CREB1: variants seen among roughly 807,000 people sequenced by gnomAD.
CREB1 encodes the protein cyclic AMP-responsive element-binding protein 1.
A neutral mutation model predicts 42.0 loss-of-function variants in CREB1; 2 were observed. That is an observed-to-expected ratio of 0.05 (90% CI 0.02 to 0.15). The LOEUF (loss-of-function observed/expected upper bound fraction) is 0.15. Among genes scored for constraint, CREB1 ranks in the 10% least tolerant of loss-of-function variants. The probability of loss-of-function intolerance (pLI) is 1.00; values close to 1 mark genes in which losing one functional copy is unlikely to be tolerated. For synonymous variants in CREB1, 123 were observed against 139.9 expected, an observed-to-expected ratio of 0.88 and a Z score of 0.85; for missense variants, 199 against 388.9, an observed-to-expected ratio of 0.51 and a Z score of 4.11.
chr2:207,575,862 C>T (rs1262106449), intron 6 of CREB1, among the ~76,000 whole-genome samples: 5 of 131,724 alleles, frequency 3.8e-5, no homozygotes, highest in Non-Finnish European at 4.7e-5. Context: ...TTTGTTTTTT[C>T]ATCTGTAAAA....
intron 1 of CREB1, among the ~76,000 whole-genome samples, chr2:207,544,809 A>G (rs1337432490): frequency 6.6e-6 from 1 of 152,108 alleles, no homozygotes; most frequent in Non-Finnish European, 1.5e-5. Flanking sequence ...CTTACAAATG[A>G]GAACATGCGG....
intron 1 of CREB1, among the ~76,000 whole-genome samples, chr2:207,552,023 CAA>C (rs1173359225): frequency 1.1e-5 from 1 of 93,362 alleles, no homozygotes; most frequent in Non-Finnish European, 1.9e-5. Context: ...GCCTGGGCAA[CAA>C]GAGCGAAACT....
At position 207,602,751 on chromosome 2, in the gene CREB1, TATATTA is replaced by T. The variant is rs1673256555; in HGVS notation, c.*5695_*5700del. 1 of 212,292 alleles carries T rather than the reference TATATTA, an allele frequency of 4.7e-6. No homozygotes were observed. The highest frequency in any genetic ancestry group is 2.3e-5 in the African/African-American group (1 of 44,234). 13.2% of individuals were successfully genotyped at this position (212,292 alleles called of 1,614,324 possible). A position where few individuals can be genotyped will look rare whatever the true frequency, so the allele number is the denominator to read the frequency against. ...AATTTGTGTATGTAATAAAATTATTTATATTAAAAGTGGGAAATAATTGTCAACATT... is the reference window on the plus strand; with the variant it reads ...AATTTGTGTATGTAATAAAATTATTTAAAGTGGGAAATAATTGTCAACATT... On this transcript the variant is annotated 3_prime_UTR_variant, in exon 8 of 8. Transcript: ENST00000353267.
At chr2:207,592,686 C>A (rs1276296842) in intron 7 of CREB1, among the ~76,000 whole-genome samples, 1 of 151,166 alleles carries the variant, frequency 6.6e-6, no homozygotes, top group Non-Finnish European at 1.5e-5. Flanking sequence ...TTTGGGAGAC[C>A]AAGGCAGGCG....
chr2:207,599,004 ATTTTAAAATAAGATTT>A lies in CREB1; in HGVS notation c.*1948_*1963del, dbSNP rs2086628848. On this transcript the variant is annotated 3_prime_UTR_variant, in exon 8 of 8. Coordinates refer to ENST00000353267, the MANE Select transcript of CREB1 (RefSeq NM_004379.5). Reference sequence around the variant, plus strand: ...GATTTAAGTGTTAATTGCTGGATCCATTTTAAAATAAGATTTTAATTAACATTTGTAAATGGTATAT... The same window carrying A: ...GATTTAAGTGTTAATTGCTGGATCCATAATTAACATTTGTAAATGGTATAT... 1 of 185,260 alleles carries A rather than the reference ATTTTAAAATAAGATTT, an allele frequency of 5.4e-6. No homozygotes were observed. The highest frequency in any genetic ancestry group is 6.2e-5 in the Admixed American group (1 of 16,078). 11.5% of individuals were successfully genotyped at this position (185,260 alleles called of 1,614,324 possible).
chr2:207,538,661 G>T (rs2080971701), intron 1 of CREB1, among the ~76,000 whole-genome samples: 1 of 152,166 alleles, frequency 6.6e-6, no homozygotes. Flanking sequence ...CATTTGATTA[G>T]ATAAGAAAGG....
In CREB1 at chr2:207,598,006, T is replaced by C. The variant is rs932858429; in HGVS notation, c.*948T>C. ...GTAAAAAGATATTTCTAATTTACTG[T>C]TGCCCATTGCACTTACATACCACCA... On this transcript the variant is annotated 3_prime_UTR_variant, in exon 8 of 8. Transcript: ENST00000353267. 1 of 182,716 alleles carries C rather than the reference T, an allele frequency of 5.5e-6. No homozygotes were observed. The highest frequency in any genetic ancestry group is 2.4e-5 in the African/African-American group (1 of 42,538). 11.3% of individuals were successfully genotyped at this position (182,716 alleles called of 1,614,324 possible). A position where few individuals can be genotyped will look rare whatever the true frequency, so the allele number is the denominator to read the frequency against.
At chr2:207,567,378 T>G (rs1388532280) in intron 3 of CREB1, 85 bp from the exon 4 acceptor site, 1 of 919,364 alleles carries the variant, frequency 1.1e-6, no homozygotes, top group East Asian at 2.7e-5. Flanking sequence ...GTATAAAGTT[T>G]ATATATGACT....
intron 3 of CREB1, among the ~76,000 whole-genome samples, chr2:207,562,414 T>C (rs1488406802): frequency 1.3e-5 from 2 of 152,250 alleles, no homozygotes; most frequent in Non-Finnish European, 2.9e-5. Context: ...GATTTTAATC[T>C]TTATTCTGGG....
rs927062416 is a variant in CREB1, at chr2:207,605,101, T to C, written c.*8043T>C. 1.3e-5 allele frequency among the ~76,000 whole-genome samples: 2 copies of C among 152,208 alleles called. No homozygotes were observed. Among genetic ancestry groups the C allele is most frequent in the African/African-American group, 4.8e-5 (2 of 41,446 alleles). ...GGTATATGCCTGGGAGTGGAGTTGC[T>C]GGGTCATGTTGAAATCGCACATTTA... On this transcript the variant is annotated 3_prime_UTR_variant, in exon 8 of 8. Coordinates refer to ENST00000353267, the MANE Select transcript of CREB1 (RefSeq NM_004379.5).
chr2:207,562,767 C>A (rs2082003449), intron 3 of CREB1, among the ~76,000 whole-genome samples: 1 of 152,130 alleles, frequency 6.6e-6, no homozygotes, highest in African/African-American at 2.4e-5. Context: ...AGAGGATCTT[C>A]TAGATGGGAG....
intron 1 of CREB1, among the ~76,000 whole-genome samples, chr2:207,542,959 T>C (rs778533824): frequency 6.6e-6 from 1 of 152,208 alleles, no homozygotes; most frequent in African/African-American, 2.4e-5. Flanking sequence ...AACATTTTAA[T>C]TTGAAGCACA....
intron 1 of CREB1, among the ~76,000 whole-genome samples, chr2:207,535,008 T>C (rs2080811850): frequency 6.6e-6 from 1 of 152,184 alleles, no homozygotes; most frequent in South Asian, 2.1e-4. Context: ...TAACATACAA[T>C]TGGAAGCATT....
intron 5 of CREB1, among the ~76,000 whole-genome samples, chr2:207,572,470 A>G (rs546765695): frequency 6.6e-6 from 1 of 152,294 alleles, no homozygotes; most frequent in African/African-American, 2.4e-5. Context: ...ATAAACACAC[A>G]TAGTTATATA....
At chr2:207,577,722 ATCTTT>A in intron 7 of CREB1, 67 bp downstream of exon 7, 1 of 1,564,662 alleles carries the variant, frequency 6.4e-7, no homozygotes, top group Non-Finnish European at 8.7e-7. Context: ...CTGGATGTGT[ATCTTT>A]ACATCTACTG....
At chr2:207,535,113 C>T (rs929263864) in intron 1 of CREB1, among the ~76,000 whole-genome samples, 8 of 152,040 alleles carry the variant, frequency 5.3e-5, no homozygotes, top group African/African-American at 1.9e-4. Context: ...TGCCATCTTG[C>T]CTTTATTTCT....
chr2:207,580,503 G>A (rs1295566294), intron 7 of CREB1: 3 of 217,848 alleles, frequency 1.4e-5, no homozygotes, highest in African/African-American at 6.7e-5. Flanking sequence ...CTCTTCTAGT[G>A]TGGCTATTTC....
In CREB1 at chr2:207,532,121, G is replaced by T. The variant is rs953229684; in HGVS notation, c.-9+1987G>T. Among the ~76,000 whole-genome samples the T allele has an allele frequency of 2.0e-5, 3 of 151,726 alleles. No individual in the cohort carries two copies. In the East Asian group the frequency reaches 5.8e-4, roughly 29 times the overall value. On this transcript the variant is annotated intron_variant, in intron 1 of 7. Transcript: ENST00000353267. ...CTGTAATCCCAGCACTTGGGGGGTC[G>T]AGGCGGGCGGATCACTTGAGGTCAG...
chr2:207,571,917 C>T lies in CREB1; in HGVS notation c.505+1596C>T, dbSNP rs201681656. 28 of 306,928 alleles carry T rather than the reference C, an allele frequency of 9.1e-5. 1 individual carries two copies. The East Asian group carries it at 2.5e-3, about 27-fold the overall frequency. The allele number at this position is 306,928 out of a possible 1,614,324, so 19.0% of individuals were successfully genotyped here. On this transcript the variant is annotated intron_variant, in intron 5 of 7. Transcript: ENST00000353267. Reference sequence around the variant, plus strand: ...AATTTGGTACACTCGTCTCCTCCAGCAGCTGAAAATTGCTAGTTTTAAGAG... The same window carrying T: ...AATTTGGTACACTCGTCTCCTCCAGTAGCTGAAAATTGCTAGTTTTAAGAG...
Sources: allele counts gnomAD v4.1 joint callset (sites outside exome capture counted in the v4.1 genomes callset), GRCh38; gene constraint gnomAD v4.1.1; transcripts MANE v1.5; gene names NCBI Gene and HGNC (gene_info 2026-07-23, HGNC 2026-07-21).